The following GRIK2 variants were observed in gnomAD, a reference collection of about 807,000 sequenced individuals.
GRIK2 encodes the protein glutamate ionotropic receptor kainate type subunit 2, also known as glutamate receptor ionotropic, kainate 2.
Under a neutral mutation model 100.3 loss-of-function variants are expected in GRIK2, and 32 were observed. The ratio of observed to expected loss-of-function variants is 0.32; its 90% CI spans 0.24 to 0.43. The LOEUF (loss-of-function observed/expected upper bound fraction) is 0.43. GRIK2 is among the 20% of genes least tolerant of loss of function. The pLI, the probability that GRIK2 is intolerant of heterozygous loss-of-function variation, is 1.00. For synonymous variants in GRIK2, 417 were observed against 389.4 expected (o/e 1.07, Z -0.83); for missense variants, 843 against 1,114.9 (o/e 0.76, Z 3.47).
chr6:101,511,074 C>T (rs1450013881), intron 2 of GRIK2, among the ~76,000 whole-genome samples: 2 of 152,074 alleles, frequency 1.3e-5, no homozygotes, highest in African/African-American at 4.8e-5. Flanking sequence ...GTTATCTGGG[C>T]TTTAGGGAAG....
At chr6:101,681,408 T>A (rs957035901) in intron 5 of GRIK2, among the ~76,000 whole-genome samples, 1 of 18,862 alleles carries the variant, frequency 5.3e-5, no homozygotes, top group Non-Finnish European at 2.1e-4. Context: ...TTTTCTATTT[T>A]TTTTTTTTTT....
At chr6:101,428,353 G>C (rs189107371) in intron 2 of GRIK2, among the ~76,000 whole-genome samples, 1 of 152,078 alleles carries the variant, frequency 6.6e-6, no homozygotes, top group Admixed American at 6.6e-5. Context: ...CATTTCTACT[G>C]GTTACAGATA....
intron 2 of GRIK2, among the ~76,000 whole-genome samples, chr6:101,520,670 A>C (rs1774837643): frequency 6.6e-6 from 1 of 152,094 alleles, no homozygotes; most frequent in African/African-American, 2.4e-5. Context: ...CTTTCTGAGA[A>C]AATAGCAGAA....
At chr6:101,849,139 C>T (rs1049811668) in intron 10 of GRIK2, among the ~76,000 whole-genome samples, 10 of 151,390 alleles carry the variant, frequency 6.6e-5, no homozygotes, top group African/African-American at 1.9e-4. Flanking sequence ...GCAGACTTTC[C>T]GAATGTTTAT....
intron 11 of GRIK2, among the ~76,000 whole-genome samples, chr6:101,884,037 T>C (rs954376755): frequency 2.0e-5 from 3 of 152,046 alleles, no homozygotes; most frequent in South Asian, 2.1e-4. Context: ...TGGAGTCCAT[T>C]GTAAGAGTTC....
intron 12 of GRIK2, among the ~76,000 whole-genome samples, chr6:101,919,816 GA>G (rs1789376722): frequency 6.6e-6 from 1 of 151,698 alleles, no homozygotes; most frequent in Non-Finnish European, 1.5e-5. Flanking sequence ...TAGATTTGAG[GA>G]ACAAGACAAT....
chr6:102,015,564 C>A (rs1795792491), intron 14 of GRIK2, among the ~76,000 whole-genome samples: 1 of 152,208 alleles, frequency 6.6e-6, no homozygotes, highest in Non-Finnish European at 1.5e-5. Context: ...CCAGATCATA[C>A]TGCCACTGTT....
At chr6:101,854,811 T>C (rs904037309) in intron 10 of GRIK2, among the ~76,000 whole-genome samples, 23 of 152,130 alleles carry the variant, frequency 1.5e-4, no homozygotes, top group Non-Finnish European at 4.4e-5. Context: ...ATGGAAGATA[T>C]TATAATGAGT....
chr6:101,859,204 C>A, intron 10 of GRIK2, 83 bp from the exon 11 acceptor site: 2 of 671,680 alleles, frequency 3.0e-6, no homozygotes, highest in Non-Finnish European at 5.2e-6. Context: ...GAGAAAATTT[C>A]TGTCTTCTAA....
At chr6:101,737,445 T>A (rs940207148) in intron 7 of GRIK2, among the ~76,000 whole-genome samples, 3 of 152,132 alleles carry the variant, frequency 2.0e-5, no homozygotes, top group African/African-American at 7.2e-5. Flanking sequence ...GCAAATCATA[T>A]CTTATGTGGA....
At chr6:101,779,048 A>G (rs1408910085) in intron 7 of GRIK2, among the ~76,000 whole-genome samples, 1 of 152,096 alleles carries the variant, frequency 6.6e-6, no homozygotes, top group African/African-American at 2.4e-5. Flanking sequence ...TATTAATGTC[A>G]ATTTTTATTT....
chr6:101,476,855 G>A (rs981499675), intron 2 of GRIK2, among the ~76,000 whole-genome samples: 1 of 152,224 alleles, frequency 6.6e-6, no homozygotes, highest in South Asian at 2.1e-4. Context: ...TCTTGCAATA[G>A]TTCAGGAAGA....
At chr6:101,978,060 C>T (rs1793501214) in intron 14 of GRIK2, among the ~76,000 whole-genome samples, 1 of 151,890 alleles carries the variant, frequency 6.6e-6, no homozygotes, top group Admixed American at 6.6e-5. Context: ...TACATTCCTG[C>T]CTGATAGGAG....
intron 15 of GRIK2, among the ~76,000 whole-genome samples, chr6:102,045,162 T>TGC (rs1485601774): frequency 2.6e-5 from 4 of 152,026 alleles, no homozygotes; most frequent in African/African-American, 9.7e-5. Context: ...CCATGACCCC[T>TGC]GCCCTGCTAG....
intron 7 of GRIK2, among the ~76,000 whole-genome samples, chr6:101,708,643 G>T (rs1773501044): frequency 6.6e-6 from 1 of 151,608 alleles, no homozygotes; most frequent in African/African-American, 2.4e-5. Context: ...ATTTTAAGAA[G>T]AATCTGTTTT....
At chr6:101,514,788 T>C (rs1774499594) in intron 2 of GRIK2, among the ~76,000 whole-genome samples, 1 of 152,126 alleles carries the variant, frequency 6.6e-6, no homozygotes, top group Non-Finnish European at 1.5e-5. Flanking sequence ...TAAAGTAAGG[T>C]CGCTGTTTTA....
rs555567529 is a variant in GRIK2 at position 101,754,913 on chromosome 6, A to G, written c.952-44735A>G. ...AGCGGAATGTAAACAAAGACAGATG[A>G]AAAGAGGCTGGACTATGAAGGGCCT... On this transcript the variant is annotated intron_variant, in intron 7 of 16. Coordinates refer to ENST00000369134, the MANE Select transcript of GRIK2 (RefSeq NM_021956.5). 3.3e-5 allele frequency among the ~76,000 whole-genome samples: 5 copies of G among 152,314 alleles called. No individual in the cohort carries two copies. In the East Asian group the frequency reaches 9.7e-4, roughly 29 times the overall value.
chr6:101,958,142 G>A (rs1792056008), intron 14 of GRIK2, among the ~76,000 whole-genome samples: 2 of 151,872 alleles, frequency 1.3e-5, no homozygotes, highest in African/African-American at 4.8e-5. Context: ...CAAACTATGA[G>A]CATAGAATGT....
chr6:101,916,821 T>C (rs1789141860), intron 12 of GRIK2, among the ~76,000 whole-genome samples: 1 of 151,778 alleles, frequency 6.6e-6, no homozygotes, highest in South Asian at 2.1e-4. Flanking sequence ...TTATTCATTA[T>C]ATGTAACATT....
Sources: gnomAD v4.1 joint callset for allele counts (sites outside exome capture counted in the v4.1 genomes callset) on GRCh38, gnomAD v4.1.1 for gene constraint, MANE v1.5 for transcripts, NCBI Gene and HGNC (gene_info 2026-07-23, HGNC 2026-07-21) for gene names.